The following DMXL1 variants were observed in gnomAD, a reference collection of about 807,000 sequenced individuals.
The protein encoded by DMXL1 is dmX-like protein 1.
DMXL1 carries 99 observed loss-of-function variants against 319.2 expected under a neutral mutation model. That is an observed-to-expected ratio of 0.31 (90% CI 0.26 to 0.37). DMXL1 has a LOEUF of 0.37. Ranked by LOEUF, DMXL1 falls within the 10% of genes least tolerant of loss-of-function variation. The probability of loss-of-function intolerance (pLI) is 1.00; values close to 1 mark genes in which losing one functional copy is unlikely to be tolerated. For missense variants in DMXL1, 3,745 were observed against 3,595.6 expected (o/e 1.04, Z -1.06); for synonymous variants, 1,385 against 1,235.2 (o/e 1.12, Z -2.54).
At chr5:119,189,097 TA>T (rs1266397488) in intron 28 of DMXL1, among the ~76,000 whole-genome samples, 2 of 152,212 alleles carry the variant, frequency 1.3e-5, no homozygotes, top group South Asian at 4.2e-4. Context: ...GGTAATATAC[TA>T]AAAAAATACT....
At chr5:119,102,244 T>A (rs1757428117) in intron 3 of DMXL1, 1 of 302,460 alleles carries the variant, frequency 3.3e-6, no homozygotes, top group Non-Finnish European at 6.1e-6. Context: ...ACATTTTTAA[T>A]TTTATAATAT....
chr5:119,247,177 T>C lies in DMXL1; in HGVS notation c.9105T>C (p.Pro3035=), dbSNP rs936710279. The C allele has an allele frequency of 4.3e-6, 7 of 1,612,506 alleles. No individual in the cohort carries two copies. Among genetic ancestry groups the C allele is most frequent in the Non-Finnish European group, 5.9e-6 (7 of 1,179,184 alleles). ...KMRILPDQFS[P]LNEVLKNDVK... ...GAATACTGCCAGATCAGTTTAGCCC[T>C]TTAAATGAAGTGTTGAAAAATGATG... Residue 3035 remains proline, a synonymous_variant, in exon 44 of 44, where the codon CCT becomes CCC. Coordinates refer to ENST00000539542, the MANE Select transcript of DMXL1 (RefSeq NM_001290321.3).
At chr5:119,077,265 C>T (rs575020424) in intron 1 of DMXL1, among the ~76,000 whole-genome samples, 2 of 151,380 alleles carry the variant, frequency 1.3e-5, no homozygotes, top group South Asian at 2.1e-4. Context: ...CCCCACTGTG[C>T]CCAGTGATTA....
chr5:119,092,097 G>C (rs972464959), intron 1 of DMXL1, among the ~76,000 whole-genome samples: 2 of 152,134 alleles, frequency 1.3e-5, no homozygotes, highest in Non-Finnish European at 2.9e-5. Flanking sequence ...GTGCTGGGCA[G>C]AATTGGGGGA....
At chr5:119,200,638 T>G (rs1780530065) in intron 32 of DMXL1, among the ~76,000 whole-genome samples, 2 of 152,232 alleles carry the variant, frequency 1.3e-5, no homozygotes, top group African/African-American at 4.8e-5. Flanking sequence ...GGAATAGCAT[T>G]GAATCTGTAA....
chr5:119,099,875 C>T (rs1419572832), intron 2 of DMXL1, among the ~76,000 whole-genome samples: 1 of 152,074 alleles, frequency 6.6e-6, no homozygotes, highest in Non-Finnish European at 1.5e-5. Context: ...GTAGTATGCT[C>T]CTGTAGTCCT....
chr5:119,220,388 T>G, intron 35 of DMXL1, 84 bp from the exon 36 acceptor site: 1 of 1,323,332 alleles, frequency 7.6e-7, no homozygotes, highest in Non-Finnish European at 1.0e-6. Context: ...AGAGGTTATT[T>G]CAAAACTACC....
At position 119,120,958 on chromosome 5, in the gene DMXL1, T is replaced by G. The variant is rs370273102; in HGVS notation, c.934-13T>G. ...TGACAATATAGGTATTAGTTTTGTT[T>G]CTATTCACACAGGTAAATCTGAGAC... is the stretch of plus-strand genomic sequence containing the variant. On this transcript the variant is annotated splice_polypyrimidine_tract_variant and intron_variant, in intron 8 of 43. Transcript: ENST00000539542. 1.9e-6 allele frequency: 3 copies of G among 1,598,636 alleles called. No homozygotes were observed. Among genetic ancestry groups the G allele is most frequent in the South Asian group, 1.1e-5 (1 of 87,846 alleles).
chr5:119,155,935 T>C (rs1414756567), intron 19 of DMXL1, among the ~76,000 whole-genome samples: 4 of 151,992 alleles, frequency 2.6e-5, no homozygotes, highest in African/African-American at 9.7e-5. Context: ...GAAGATGCAG[T>C]GAACATGGTT....
At chr5:119,116,051 C>A in intron 6 of DMXL1, 107 bp from the exon 7 acceptor site, 1 of 1,006,322 alleles carries the variant, frequency 9.9e-7, no homozygotes, top group Non-Finnish European at 1.4e-6. Context: ...ACGTCTCTTC[C>A]CATCCCCAAG....
At chr5:119,182,108 A>G (rs538054488) in intron 28 of DMXL1, among the ~76,000 whole-genome samples, 78 of 152,322 alleles carry the variant, frequency 5.1e-4, no homozygotes, top group African/African-American at 1.4e-3. Flanking sequence ...TGTTTGGATT[A>G]CTGCTAATCA....
chr5:119,097,407 G>A (rs1214988100), intron 1 of DMXL1, among the ~76,000 whole-genome samples: 1 of 152,118 alleles, frequency 6.6e-6, no homozygotes, highest in Non-Finnish European at 1.5e-5. Flanking sequence ...AGACAAGGGT[G>A]GTAGCATTCA....
At chr5:119,240,721 A>G (rs1788615369) in intron 42 of DMXL1, among the ~76,000 whole-genome samples, 1 of 152,216 alleles carries the variant, frequency 6.6e-6, no homozygotes, top group African/African-American at 2.4e-5. Flanking sequence ...TCTGATAGCC[A>G]CAGGTTATCG....
intron 42 of DMXL1, 25 bp from the exon 43 acceptor site, chr5:119,244,334 T>G: frequency 6.4e-7 from 1 of 1,551,882 alleles, no homozygotes; most frequent in Non-Finnish European, 8.8e-7. Flanking sequence ...TAAGTGTTTT[T>G]GTTTTTTTTT....
chr5:119,123,273 G>A (rs1323190021), intron 9 of DMXL1, among the ~76,000 whole-genome samples: 18 of 151,598 alleles, frequency 1.2e-4, no homozygotes, highest in Admixed American at 3.3e-4. Flanking sequence ...GCTTCGGCTC[G>A]GCATCAGAGG....
chr5:119,164,636 G>A lies in DMXL1; in HGVS notation c.4832G>A (p.Trp1611Ter), dbSNP rs768456492. Reference sequence around the variant, plus strand: ...CTAAGAGCTATGGGTGTGGGGTGGTGGGTCCGGAATACCCGCATCTTACGC... The same window carrying A: ...CTAAGAGCTATGGGTGTGGGGTGGTAGGTCCGGAATACCCGCATCTTACGC... Reference protein sequence around the residue: ...SELRAMGVGWWVRNTRILRKC... With the variant: ...SELRAMGVGW The change falls in exon 20 of 44, where the codon TGG becomes TAG. Residue 1611 changes from tryptophan (W) to a stop codon, truncating the protein, a stop_gained. Transcript: ENST00000539542. LOFTEE classifies it high-confidence loss of function. The A allele has an allele frequency of 1.2e-6, 2 of 1,612,672 alleles. No homozygotes were observed. Among genetic ancestry groups the A allele is most frequent in the East Asian group, 2.2e-5 (1 of 44,866 alleles).
intron 34 of DMXL1, among the ~76,000 whole-genome samples, chr5:119,208,754 T>C (rs891448398): frequency 2.0e-5 from 3 of 152,146 alleles, no homozygotes; most frequent in African/African-American, 7.2e-5. Flanking sequence ...AGTGTACAAC[T>C]TGTTCAATTT....
intron 38 of DMXL1, among the ~76,000 whole-genome samples, chr5:119,229,481 AAAATTATTTTTCCAAAT>A (rs1169640937): frequency 5.3e-5 from 8 of 152,114 alleles, no homozygotes; most frequent in Non-Finnish European, 8.8e-5. Flanking sequence ...GGCCACACAT[AAAATTATTTTTCCAAAT>A]TCCTCTTACA....
chr5:119,237,302 A>C lies in DMXL1; in HGVS notation c.8467-20A>C, dbSNP rs1787938128. The C allele has an allele frequency of 7.1e-7, 1 of 1,408,244 alleles. No individual in the cohort carries two copies. Among genetic ancestry groups the C allele is most frequent in the African/African-American group, 1.4e-5 (1 of 70,886 alleles). The allele number at this position is 1,408,244 out of a possible 1,614,324, so 87.2% of individuals were successfully genotyped here. On this transcript the variant is annotated intron_variant, in intron 39 of 43. Coordinates refer to ENST00000539542, the MANE Select transcript of DMXL1 (RefSeq NM_001290321.3). ...TTTTATATTTATATTAAATACTTTT[A>C]AATATTTTCTTTCTCTAAGTTTGGA...
Sources: gnomAD v4.1 joint callset for allele counts (sites outside exome capture counted in the v4.1 genomes callset) on GRCh38, gnomAD v4.1.1 for gene constraint, MANE v1.5 for transcripts, NCBI Gene and HGNC (gene_info 2026-07-23, HGNC 2026-07-21) for gene names.